The following PBX1 variants were observed in gnomAD, a reference collection of about 807,000 sequenced individuals.
PBX1 encodes PBX homeobox 1, also known as pre-B-cell leukemia transcription factor 1.
A neutral mutation model predicts 53.4 loss-of-function variants in PBX1; 6 were observed. The ratio of observed to expected loss-of-function variants is 0.11; its 90% CI spans 0.06 to 0.22. The LOEUF is 0.22. Ranked by LOEUF, PBX1 falls within the 10% of genes least tolerant of loss-of-function variation. The pLI is 1.00. For synonymous variants in PBX1, 204 were observed against 212.3 expected (o/e 0.96, Z 0.34); for missense variants, 251 against 551.4 (o/e 0.46, Z 5.46).
At chr1:164,596,496 G>A (rs983474752) in intron 2 of PBX1, among the ~76,000 whole-genome samples, 3 of 152,192 alleles carry the variant, frequency 2.0e-5, no homozygotes, top group Admixed American at 2.0e-4. Context: ...CAATATCTGG[G>A]GACATTACTG....
chr1:164,625,251 G>A (rs1176052681), intron 2 of PBX1, among the ~76,000 whole-genome samples: 4 of 152,298 alleles, frequency 2.6e-5, no homozygotes, highest in East Asian at 1.9e-4. Context: ...AATGCCCCAA[G>A]TTTGCAGCTT....
At chr1:164,736,304 G>C in intron 2 of PBX1, among the ~76,000 whole-genome samples, 1 of 152,244 alleles carries the variant, frequency 6.6e-6, no homozygotes, top group South Asian at 2.1e-4. Flanking sequence ...GAGTGTGTCC[G>C]CTGGCCCTGG....
chr1:164,818,306 A>G (rs1669972861), intron 6 of PBX1: 1 of 152,212 alleles, frequency 6.6e-6, no homozygotes, highest in African/African-American at 2.4e-5. Context: ...TTACAGACCA[A>G]AGGCTTTGTC....
At chr1:164,724,883 A>C (rs1296535943) in intron 2 of PBX1, among the ~76,000 whole-genome samples, 2 of 151,922 alleles carry the variant, frequency 1.3e-5, no homozygotes, top group Non-Finnish European at 2.9e-5. Flanking sequence ...TGTAACATCC[A>C]GGCTGTTTAC....
chr1:164,634,280 G>A (rs1375015143), intron 2 of PBX1, among the ~76,000 whole-genome samples: 1 of 152,218 alleles, frequency 6.6e-6, no homozygotes, highest in Non-Finnish European at 1.5e-5. Flanking sequence ...CGAAGGTCGA[G>A]ATTAGTGCCG....
chr1:164,861,924 A>G (rs935103850), intron 2 of PBX1, among the ~76,000 whole-genome samples: 15 of 152,224 alleles, frequency 9.9e-5, no homozygotes, highest in African/African-American at 3.4e-4. Flanking sequence ...AGACTGTCAG[A>G]TGATGCAGTC....
At chr1:164,640,399 G>C in intron 2 of PBX1, among the ~76,000 whole-genome samples, 1 of 152,074 alleles carries the variant, frequency 6.6e-6, no homozygotes, top group Non-Finnish European at 1.5e-5. Context: ...GTAGGTCAGG[G>C]GTTTGGAATT....
At chr1:164,667,224 C>G (rs1660855328) in intron 2 of PBX1, among the ~76,000 whole-genome samples, 1 of 152,118 alleles carries the variant, frequency 6.6e-6, no homozygotes, top group African/African-American at 2.4e-5. Context: ...TAATCTTGCA[C>G]TGGGCGTGTA....
intron 2 of PBX1, among the ~76,000 whole-genome samples, chr1:164,592,658 A>C (rs1477090103): frequency 1.3e-5 from 2 of 152,210 alleles, no homozygotes; most frequent in African/African-American, 4.8e-5. Context: ...GCATCTCCAC[A>C]CAGTAAGTTG....
At chr1:164,761,361 A>G (rs916095628) in intron 2 of PBX1, among the ~76,000 whole-genome samples, 1 of 152,254 alleles carries the variant, frequency 6.6e-6, no homozygotes, top group Non-Finnish European at 1.5e-5. Flanking sequence ...GGGTGTGTGT[A>G]CACACATGCC....
In PBX1 at chr1:164,745,504, A is replaced by G. The variant is rs372045943; in HGVS notation, c.266-46990A>G. 5.4e-4 allele frequency among the ~76,000 whole-genome samples: 82 copies of G among 152,376 alleles called. 1 individual carries two copies. In the South Asian group the frequency reaches 0.014, roughly 27 times the overall value. ...GAGAACCACAAATGATGAACCTTTT[A>G]AACATCACCACTTGTCAACGCAGGA... is the stretch of plus-strand genomic sequence containing the variant. On this transcript the variant is annotated intron_variant, in intron 2 of 8. Transcript: ENST00000420696.
At chr1:164,858,447 G>GCACACACA (rs4035257) in intron 2 of PBX1, among the ~76,000 whole-genome samples, 21 of 148,530 alleles carry the variant, frequency 1.4e-4, no homozygotes, top group African/African-American at 4.7e-4. Context: ...CCCAGAGCCA[G>GCACACACA]CACACACACA....
intron 2 of PBX1, among the ~76,000 whole-genome samples, chr1:164,692,399 G>A (rs926229347): frequency 5.3e-5 from 8 of 152,206 alleles, no homozygotes; most frequent in East Asian, 3.9e-4. Context: ...GAATGGATGT[G>A]GGGATGAATG....
At chr1:164,624,245 G>T (rs993194000) in intron 2 of PBX1, among the ~76,000 whole-genome samples, 1 of 152,176 alleles carries the variant, frequency 6.6e-6, no homozygotes, top group African/African-American at 2.4e-5. Context: ...CTTGCAATTT[G>T]TAATGGGAGA....
chr1:164,624,813 A>G (rs1037707336), intron 2 of PBX1, among the ~76,000 whole-genome samples: 1 of 152,216 alleles, frequency 6.6e-6, no homozygotes, highest in African/African-American at 2.4e-5. Context: ...ATGTTTTGAC[A>G]TTAAGAGAGA....
At chr1:164,726,852 C>A (rs966269218) in intron 2 of PBX1, among the ~76,000 whole-genome samples, 1 of 152,172 alleles carries the variant, frequency 6.6e-6, no homozygotes, top group Non-Finnish European at 1.5e-5. Context: ...CACTTCTAGG[C>A]GAAATGGCAT....
chr1:164,633,036 A>G (rs562201695), intron 2 of PBX1, among the ~76,000 whole-genome samples: 1 of 152,336 alleles, frequency 6.6e-6, no homozygotes, highest in African/African-American at 2.4e-5. Flanking sequence ...TGGCATAGCT[A>G]AGACTCAAAA....
chr1:164,666,622 C>G (rs1660825212), intron 2 of PBX1, among the ~76,000 whole-genome samples: 1 of 152,044 alleles, frequency 6.6e-6, no homozygotes, highest in Admixed American at 6.6e-5. Context: ...TGTCCCTATA[C>G]TAGTTTCCAA....
intron 2 of PBX1, among the ~76,000 whole-genome samples, chr1:164,668,025 T>G (rs149019770): frequency 4.1e-4 from 62 of 152,326 alleles, no homozygotes; most frequent in African/African-American, 1.4e-3. Context: ...GATCTCTCCC[T>G]GATTGATAGG....
Sources: allele counts gnomAD v4.1 joint callset (sites outside exome capture counted in the v4.1 genomes callset), GRCh38; gene constraint gnomAD v4.1.1; transcripts MANE v1.5; gene names NCBI Gene and HGNC (gene_info 2026-07-23, HGNC 2026-07-21).